The following ARHGEF3 variants were observed in gnomAD, a reference collection of about 807,000 sequenced individuals.
ARHGEF3 encodes 59.8 kDA protein.
ARHGEF3 carries 28 observed loss-of-function variants against 63.2 expected under a neutral mutation model. The ratio of observed to expected loss-of-function variants is 0.44; its 90% confidence interval spans 0.33 to 0.61. The LOEUF is 0.61. Ranked by LOEUF, ARHGEF3 falls within the 20% of genes least tolerant of loss-of-function variation. ARHGEF3 has a pLI of 0.03. For synonymous variants in ARHGEF3, 266 were observed against 254.2 expected (o/e 1.05, Z -0.44); for missense variants, 533 against 659.3 (o/e 0.81, Z 2.10).
intron 4 of ARHGEF3, among the ~76,000 whole-genome samples, chr3:56,858,744 G>A (rs2039968538): frequency 6.6e-6 from 1 of 152,208 alleles, no homozygotes. Context: ...AATAAACCTT[G>A]AATGTTTCAG....
At chr3:56,781,060 G>C (rs1419987419) in intron 1 of ARHGEF3, among the ~76,000 whole-genome samples, 1 of 152,130 alleles carries the variant, frequency 6.6e-6, no homozygotes, top group African/African-American at 2.4e-5. Context: ...TATAAGAAGA[G>C]GGAAATTTAG....
intron 3 of ARHGEF3, among the ~76,000 whole-genome samples, chr3:56,950,134 G>A (rs1699729675): frequency 6.6e-6 from 1 of 151,998 alleles, no homozygotes; most frequent in African/African-American, 2.4e-5. Flanking sequence ...ATTAATTCAA[G>A]ATGGATTAAA....
chr3:57,068,761 C>G (rs1705705470), intron 1 of ARHGEF3, among the ~76,000 whole-genome samples: 1 of 152,092 alleles, frequency 6.6e-6, no homozygotes, highest in African/African-American at 2.4e-5. Context: ...AACGTGCTTC[C>G]TTGTTTTGGG....
chr3:56,890,450 G>A (rs2041082131), intron 3 of ARHGEF3, among the ~76,000 whole-genome samples: 1 of 152,152 alleles, frequency 6.6e-6, no homozygotes, highest in African/African-American at 2.4e-5. Context: ...AATTATTATT[G>A]CTACTGCGGT....
At chr3:56,916,495 A>C in intron 3 of ARHGEF3, 1 of 1,381,676 alleles carries the variant, frequency 7.2e-7, no homozygotes, top group Non-Finnish European at 9.4e-7. Flanking sequence ...AGGGGCCATC[A>C]GTTACAAGTG....
At chr3:56,951,135 G>T (rs1367351645) in intron 3 of ARHGEF3, among the ~76,000 whole-genome samples, 1 of 151,784 alleles carries the variant, frequency 6.6e-6, no homozygotes, top group Non-Finnish European at 1.5e-5. Context: ...GTTGTGCGGT[G>T]GGGGGAGGGG....
intron 3 of ARHGEF3, among the ~76,000 whole-genome samples, chr3:56,913,197 T>C (rs547203629): frequency 6.6e-6 from 1 of 151,212 alleles, no homozygotes; most frequent in African/African-American, 2.4e-5. Context: ...CTAAACAATG[T>C]CAACAAAACA....
chr3:56,853,090 C>A (rs538749620), intron 4 of ARHGEF3, among the ~76,000 whole-genome samples: 2 of 152,280 alleles, frequency 1.3e-5, no homozygotes, highest in East Asian at 3.9e-4. Context: ...GAAATCTATA[C>A]ATATGATGAA....
At chr3:57,038,976 C>T (rs547513238) in intron 1 of ARHGEF3, among the ~76,000 whole-genome samples, 9 of 152,348 alleles carry the variant, frequency 5.9e-5, no homozygotes, top group Non-Finnish European at 1.0e-4. Flanking sequence ...TTTTTCCCCA[C>T]CACATAATAC....
At chr3:56,829,471 C>T (rs1485376801) in intron 4 of ARHGEF3, among the ~76,000 whole-genome samples, 1 of 152,156 alleles carries the variant, frequency 6.6e-6, no homozygotes, top group Non-Finnish European at 1.5e-5. Context: ...TTGGAATACT[C>T]AGGAAGCTCT....
At chr3:56,813,457 C>A (rs1578581540) in intron 4 of ARHGEF3, among the ~76,000 whole-genome samples, 1 of 152,258 alleles carries the variant, frequency 6.6e-6, no homozygotes, top group Non-Finnish European at 1.5e-5. Context: ...TTCTCTTTCT[C>A]CCCTGGCTGG....
intron 3 of ARHGEF3, 21 bp from the exon 4 acceptor site, chr3:56,753,587 A>C: frequency 6.2e-7 from 1 of 1,605,022 alleles, no homozygotes; most frequent in Non-Finnish European, 8.5e-7. Flanking sequence ...AGATAAACAT[A>C]TTCACTGAAT....
intron 3 of ARHGEF3, among the ~76,000 whole-genome samples, chr3:56,893,092 T>A (rs1238285800): frequency 6.6e-6 from 1 of 152,242 alleles, no homozygotes; most frequent in Admixed American, 6.5e-5. Context: ...ATATAAAAAC[T>A]CACAACTTCA....
At chr3:56,743,595 C>T (rs2034184474) in intron 7 of ARHGEF3, among the ~76,000 whole-genome samples, 1 of 152,124 alleles carries the variant, frequency 6.6e-6, no homozygotes, top group Non-Finnish European at 1.5e-5. Context: ...AGGCAAATTA[C>T]ATAAAGTTGA....
upstream of ARHGEF3, among the ~76,000 whole-genome samples, chr3:56,803,821 C>A (rs1433752352): frequency 2.6e-5 from 4 of 151,950 alleles, no homozygotes; most frequent in African/African-American, 9.7e-5. Flanking sequence ...AAGAAAAATA[C>A]CTTCATTCAT....
chr3:57,013,007 G>A (rs926777172), intron 2 of ARHGEF3, among the ~76,000 whole-genome samples: 10 of 152,314 alleles, frequency 6.6e-5, no homozygotes, highest in Middle Eastern at 3.4e-3. Context: ...CTTAGCACCC[G>A]GGCCAGGCTG....
intron 1 of ARHGEF3, among the ~76,000 whole-genome samples, chr3:56,790,022 T>G (rs2037004464): frequency 6.6e-6 from 1 of 152,216 alleles, no homozygotes; most frequent in South Asian, 2.1e-4. Context: ...AAACCCACCT[T>G]CTGGGAAACA....
At chr3:56,777,354 G>C (rs1278392215) in intron 1 of ARHGEF3, among the ~76,000 whole-genome samples, 3 of 152,128 alleles carry the variant, frequency 2.0e-5, no homozygotes, top group African/African-American at 7.2e-5. Flanking sequence ...AAGGCATACA[G>C]GTCATATTTT....
chr3:56,991,678 G>C (rs370233066), intron 2 of ARHGEF3, among the ~76,000 whole-genome samples: 1 of 152,144 alleles, frequency 6.6e-6, no homozygotes, highest in South Asian at 2.1e-4. Context: ...GCAGTGGCAC[G>C]ATCGCAGTTC....
Sources: allele counts gnomAD v4.1 joint callset (sites outside exome capture counted in the v4.1 genomes callset), GRCh38; gene constraint gnomAD v4.1.1; transcripts MANE v1.5; gene names NCBI Gene and HGNC (gene_info 2026-07-23, HGNC 2026-07-21).